Variants in HTN1 observed in about 807,000 individuals in gnomAD.
The protein encoded by HTN1 is histatin 1.
HTN1 carries 18 observed loss-of-function variants against 11.2 expected under a neutral mutation model. That is an observed-to-expected ratio of 1.61 (90% CI 1.12 to 2.39). The LOEUF is 2.39. Among genes scored for constraint, HTN1 ranks in the 30% most tolerant of loss-of-function variants. HTN1 has a pLI of 0.00. For synonymous variants in HTN1, 21 were observed against 20.5 expected (o/e 1.02, Z -0.07); for missense variants, 80 against 67.2 (o/e 1.19, Z -0.67).
At chr4:70,051,904 A>G (rs894305200) in intron 1 of HTN1, among the ~76,000 whole-genome samples, 6 of 152,154 alleles carry the variant, frequency 3.9e-5, no homozygotes, top group African/African-American at 1.4e-4. Context: ...ATTACTTTAT[A>G]ACTGCAATTA....
chr4:70,053,008 G>C (rs1578183107), intron 1 of HTN1, 56 bp from the exon 2 acceptor site: 9 of 1,049,180 alleles, frequency 8.6e-6, no homozygotes, highest in Non-Finnish European at 1.5e-6. Context: ...ATAGAAGTTT[G>C]ATGAATGAAT....
chr4:70,058,295 G>A (rs1444469286), intron 5 of HTN1: 2 of 152,110 alleles, frequency 1.3e-5, no homozygotes, highest in African/African-American at 2.4e-5. Flanking sequence ...GGAGATAGAT[G>A]AAATGTGTAG....
intron 1 of HTN1, among the ~76,000 whole-genome samples, chr4:70,051,771 A>G (rs141111743): frequency 6.6e-6 from 1 of 152,126 alleles, no homozygotes; most frequent in African/African-American, 2.4e-5. Flanking sequence ...CATGATAGAG[A>G]TGTAGGGCTG....
chr4:70,051,993 A>G (rs1177698967), intron 1 of HTN1, among the ~76,000 whole-genome samples: 2 of 152,146 alleles, frequency 1.3e-5, no homozygotes, highest in African/African-American at 2.4e-5. Flanking sequence ...TACGTTTGTA[A>G]TTTAGAAATA....
chr4:70,054,839 G>T (rs1725992413), intron 4 of HTN1, among the ~76,000 whole-genome samples: 1 of 151,992 alleles, frequency 6.6e-6, no homozygotes, highest in Non-Finnish European at 1.5e-5. Context: ...GGATGATACA[G>T]TCTTTAAATT....
At chr4:70,052,167 A>G (rs1322581780) in intron 1 of HTN1, among the ~76,000 whole-genome samples, 2 of 152,162 alleles carry the variant, frequency 1.3e-5, no homozygotes, top group Non-Finnish European at 2.9e-5. Flanking sequence ...AGTAGATACA[A>G]TCATTTTCCC....
chr4:70,055,801 T>C, intron 5 of HTN1, 199 bp downstream of exon 5: 1 of 417,566 alleles, frequency 2.4e-6, no homozygotes, highest in Non-Finnish European at 4.3e-6. Flanking sequence ...GCCATTGGTC[T>C]GTATGTTGTT....
Position 70,054,347 on chromosome 4 carries a change from G to T in HTN1, c.72+5G>T. ...AGCGCTGATTCACATGAAAAGGTAA[G>T]ACATTTTCATTTACGGGAAAACTTG... On this transcript the variant is annotated splice_donor_5th_base_variant and intron_variant, in intron 3 of 5. Transcript: ENST00000246896. 6.5e-7 allele frequency: 1 copy of T among 1,533,634 alleles called. No individual in the cohort carries two copies. The highest frequency in any genetic ancestry group is 8.9e-7 in the Non-Finnish European group (1 of 1,126,560).
intron 5 of HTN1, chr4:70,057,760 A>G (rs1176160545): frequency 1.3e-5 from 2 of 152,186 alleles, no homozygotes; most frequent in African/African-American, 4.8e-5. Context: ...GGTTGTGGCC[A>G]TAGGCTTCTC....
At chr4:70,054,522 C>A in intron 4 of HTN1, 72 bp downstream of exon 4, 4 of 934,906 alleles carry the variant, frequency 4.3e-6, no homozygotes, top group South Asian at 3.1e-5. Context: ...CTAGAAGAAT[C>A]AATAGTTGTC....
intron 5 of HTN1, chr4:70,056,472 G>T (rs60379629): frequency 0.52 from 78,386 of 151,904 alleles, 20,976 homozygotes; most frequent in East Asian, 0.64. Flanking sequence ...CAGGACAGCC[G>T]TTGGCAAAGA....
chr4:70,054,385 A>C lies in HTN1; in HGVS notation c.73-36A>C, dbSNP rs188742280. The C allele has an allele frequency of 4.4e-5, 67 of 1,528,528 alleles. No individual in the cohort carries two copies. In the African/African-American group the frequency reaches 8.5e-4, roughly 19 times the overall value. 94.7% of individuals were successfully genotyped at this position (1,528,528 alleles called of 1,614,324 possible). ...ACGGGAAAACTTGATAAATAAACAT[A>C]TATTGAATTTTTAATCTTTTCTTTT... On this transcript the variant is annotated intron_variant, in intron 3 of 5. Transcript: ENST00000246896.
intron 1 of HTN1, among the ~76,000 whole-genome samples, chr4:70,050,761 T>C (rs1003634044): frequency 6.6e-6 from 1 of 152,160 alleles, no homozygotes; most frequent in African/African-American, 2.4e-5. Flanking sequence ...TTTTATTTTA[T>C]TTTATTTTAC....
At chr4:70,051,746 T>C (rs1725899548) in intron 1 of HTN1, among the ~76,000 whole-genome samples, 1 of 152,236 alleles carries the variant, frequency 6.6e-6, no homozygotes, top group East Asian at 1.9e-4. Context: ...GCCATAAATC[T>C]TGGGTTCTGC....
At chr4:70,054,934 G>C (rs1466645030) in intron 4 of HTN1, among the ~76,000 whole-genome samples, 1 of 151,842 alleles carries the variant, frequency 6.6e-6, no homozygotes, top group African/African-American at 2.4e-5. Flanking sequence ...ATGTTATTTT[G>C]ACCTGTAATA....
At chr4:70,055,439 CACTT>C (rs1726011844) in intron 4 of HTN1, 55 bp from the exon 5 acceptor site, 2 of 1,202,038 alleles carry the variant, frequency 1.7e-6, no homozygotes, top group Admixed American at 3.5e-5. Flanking sequence ...TTTTGAGAAA[CACTT>C]GTATTGTCAT....
chr4:70,055,281 AT>A (rs1399775806), intron 4 of HTN1, among the ~76,000 whole-genome samples: 1 of 152,078 alleles, frequency 6.6e-6, no homozygotes, highest in African/African-American at 2.4e-5. Context: ...TGTCACAAAA[AT>A]ATCAGCAAAC....
At chr4:70,054,570 C>T in intron 4 of HTN1, 120 bp downstream of exon 4, 2 of 650,954 alleles carry the variant, frequency 3.1e-6, no homozygotes, top group Non-Finnish European at 2.6e-6. Context: ...CTAAAGTGCA[C>T]ATTGATTTCA....
chr4:70,051,794 A>G (rs1725900618), intron 1 of HTN1, among the ~76,000 whole-genome samples: 1 of 152,110 alleles, frequency 6.6e-6, no homozygotes, highest in South Asian at 2.1e-4. Context: ...TAAGAGCAGG[A>G]CATTTTATTA....
Sources: allele counts gnomAD v4.1 joint callset (sites outside exome capture counted in the v4.1 genomes callset), GRCh38; gene constraint gnomAD v4.1.1; transcripts MANE v1.5; gene names NCBI Gene and HGNC (gene_info 2026-07-23, HGNC 2026-07-21).